Variants in ANO3 observed in about 807,000 individuals in gnomAD.
ANO3 encodes the protein anoctamin 3.
Under a neutral mutation model 144.8 loss-of-function variants are expected in ANO3, and 99 were observed. The observed-to-expected ratio is 0.68, with a 90% CI of 0.58 to 0.81. ANO3 has a LOEUF of 0.81. Ranked by LOEUF, ANO3 falls within the 30% of genes least tolerant of loss-of-function variation. The pLI, the probability that ANO3 is intolerant of heterozygous loss-of-function variation, is 0.00. For missense variants in ANO3, 905 were observed against 1,202.2 expected (o/e 0.75, Z 3.66); for synonymous variants, 414 against 392.6 (o/e 1.05, Z -0.64).
At chr11:26,378,065 T>C (rs1049212532) in intron 1 of ANO3, among the ~76,000 whole-genome samples, 2 of 152,044 alleles carry the variant, frequency 1.3e-5, no homozygotes, top group African/African-American at 2.4e-5. Flanking sequence ...TTCATACTTA[T>C]ACAGTGTAAA....
In ANO3 at chr11:26,652,149, A is replaced by G. The variant is rs1273960480; in HGVS notation, c.2577-3976A>G. 3.3e-5 allele frequency among the ~76,000 whole-genome samples: 5 copies of G among 152,182 alleles called. No homozygotes were observed. In the South Asian group the frequency reaches 8.3e-4, roughly 25 times the overall value. On this transcript the variant is annotated intron_variant, in intron 24 of 26. Transcript: ENST00000256737. ...CACTGCACTCATGCAGCTGCATGCA[A>G]ATGAAGGAAAATGAACAACCACACT...
intron 14 of ANO3, chr11:26,571,981 G>C: frequency 1.6e-6 from 1 of 640,056 alleles, no homozygotes; most frequent in Non-Finnish European, 1.9e-6. Context: ...TCAAGGAAGA[G>C]AGAGAGTAGA....
At chr11:26,646,540 A>G (rs1351421555) in intron 23 of ANO3, among the ~76,000 whole-genome samples, 1 of 152,094 alleles carries the variant, frequency 6.6e-6, no homozygotes, top group Admixed American at 6.6e-5. Context: ...CACAATCCCT[A>G]AATAGCATTA....
chr11:26,287,946 T>C lies in ANO3; in HGVS notation c.155-21699T>C, dbSNP rs963087223. 6.6e-5 allele frequency: 10 copies of C among 152,332 alleles called. 1 individual carries two copies. The East Asian group carries it at 1.7e-3, about 26-fold the overall frequency. The allele number at this position is 152,332 out of a possible 1,614,324, so 9.4% of individuals were successfully genotyped here. On this transcript the variant is annotated intron_variant, in intron 1 of 27. Coordinates refer to the ANO3 transcript ENST00000672621. ...ACCAATGGAGAACTTTGTCAAATAATAGAAAATGCTTACCTCCAAAGAGCC... is the reference window on the plus strand; with the variant it reads ...ACCAATGGAGAACTTTGTCAAATAACAGAAAATGCTTACCTCCAAAGAGCC...
At chr11:26,237,225 T>G (rs2133807867) in intron 1 of ANO3, among the ~76,000 whole-genome samples, 1 of 152,250 alleles carries the variant, frequency 6.6e-6, no homozygotes. Flanking sequence ...TTAAATAGAG[T>G]AACCTACTAA....
At chr11:26,472,796 G>A (rs991654832) in intron 4 of ANO3, among the ~76,000 whole-genome samples, 3 of 151,844 alleles carry the variant, frequency 2.0e-5, no homozygotes, top group Non-Finnish European at 4.4e-5. Flanking sequence ...CTTTCTCCAT[G>A]TATTTCCGCA....
intron 1 of ANO3, among the ~76,000 whole-genome samples, chr11:26,240,348 C>A (rs1161066578): frequency 1.3e-5 from 2 of 152,108 alleles, no homozygotes; most frequent in Non-Finnish European, 2.9e-5. Flanking sequence ...GTACTAATTG[C>A]ATCTTTAATT....
At chr11:26,267,864 T>A (rs140605197) in intron 1 of ANO3, among the ~76,000 whole-genome samples, 1 of 152,024 alleles carries the variant, frequency 6.6e-6, no homozygotes, top group East Asian at 2.0e-4. Flanking sequence ...AACTTTCTTT[T>A]GTCTCATTTT....
rs549542159 is a variant in ANO3 at position 26,295,336 on chromosome 11, G to T, written c.155-14309G>T. ...GATCGAGACCATCCTGGCTAACACGGTAAAACCCCGTCTCTACTAAAAATA... is the reference window on the plus strand; with the variant it reads ...GATCGAGACCATCCTGGCTAACACGTTAAAACCCCGTCTCTACTAAAAATA... On this transcript the variant is annotated intron_variant, in intron 1 of 27. Transcript: ENST00000672621. 2.2e-3 allele frequency among the ~76,000 whole-genome samples: 337 copies of T among 151,686 alleles called. 2 individuals carry two copies. Among genetic ancestry groups the T allele is most frequent in the African/African-American group, 7.8e-3 (321 of 41,366 alleles).
At chr11:26,455,574 G>A (rs1387339814) in intron 3 of ANO3, among the ~76,000 whole-genome samples, 2 of 152,070 alleles carry the variant, frequency 1.3e-5, no homozygotes, top group Non-Finnish European at 2.9e-5. Context: ...AATAAAAGAG[G>A]ACACAAACAA....
chr11:26,288,212 C>T (rs1350518195), intron 1 of ANO3, among the ~76,000 whole-genome samples: 1 of 152,170 alleles, frequency 6.6e-6, no homozygotes, highest in Non-Finnish European at 1.5e-5. Flanking sequence ...CTGACTTCAC[C>T]TGTGACAGGC....
chr11:26,311,358 G>A lies in ANO3; in HGVS notation c.-3+1639G>A, dbSNP rs141635859. ...TTCTAGCTGCTTCTGCCCTCACGAA[G>A]GCCTGACCGGGACTTGAACCCACAT... is the stretch of plus-strand genomic sequence containing the variant. On this transcript the variant is annotated intron_variant, in intron 1 of 26. Transcript: ENST00000525139. Among the ~76,000 whole-genome samples, 939 of 152,296 alleles carry A rather than the reference G, an allele frequency of 6.2e-3. 9 individuals carry two copies. Among genetic ancestry groups the A allele is most frequent in the African/African-American group, 0.021 (886 of 41,568 alleles).
chr11:26,494,112 G>A (rs1860828119), intron 4 of ANO3, among the ~76,000 whole-genome samples: 1 of 151,350 alleles, frequency 6.6e-6, no homozygotes, highest in Non-Finnish European at 1.5e-5. Flanking sequence ...TTAAAATTTG[G>A]GCAAAGTCTA....
chr11:26,655,945 C>T (rs916424023), intron 24 of ANO3, among the ~76,000 whole-genome samples, 180 bp from the exon 25 acceptor site: 2 of 151,984 alleles, frequency 1.3e-5, no homozygotes, highest in African/African-American at 4.8e-5. Flanking sequence ...GGGCAGGAAT[C>T]TGTCTCATTA....
At chr11:26,226,136 C>T (rs1852252570) in intron 1 of ANO3, among the ~76,000 whole-genome samples, 1 of 151,994 alleles carries the variant, frequency 6.6e-6, no homozygotes, top group Admixed American at 6.6e-5. Flanking sequence ...AAATCACTTT[C>T]CTTTCTGGAC....
At chr11:26,195,719 C>A (rs543274262) in intron 1 of ANO3, among the ~76,000 whole-genome samples, 1 of 152,216 alleles carries the variant, frequency 6.6e-6, no homozygotes, top group East Asian at 1.9e-4. Flanking sequence ...AATTGTTATA[C>A]CCTTATGTGT....
chr11:26,309,025 T>C (rs187559202), upstream of ANO3, among the ~76,000 whole-genome samples: 13 of 152,190 alleles, frequency 8.5e-5, no homozygotes, highest in Non-Finnish European at 1.9e-4. Flanking sequence ...TCCACTGCAT[T>C]TTACTAGGTA....
chr11:26,311,280 T>C (rs148394399), intron 1 of ANO3, among the ~76,000 whole-genome samples: 12 of 152,312 alleles, frequency 7.9e-5, no homozygotes, highest in African/African-American at 2.4e-4. Flanking sequence ...CCAGTGCTAC[T>C]ACTAGGATTA....
chr11:26,357,103 A>C (rs1855803647), intron 1 of ANO3, among the ~76,000 whole-genome samples: 1 of 152,170 alleles, frequency 6.6e-6, no homozygotes, highest in Admixed American at 6.5e-5. Flanking sequence ...GGATATACAA[A>C]ATATTGCTTA....
Sources: allele counts gnomAD v4.1 joint callset (sites outside exome capture counted in the v4.1 genomes callset), GRCh38; gene constraint gnomAD v4.1.1; transcripts MANE v1.5; gene names NCBI Gene and HGNC (gene_info 2026-07-23, HGNC 2026-07-21).